The following PRRC2C variants were observed in gnomAD, a reference collection of about 807,000 sequenced individuals.
PRRC2C encodes the protein proline rich coiled-coil 2C, also known as protein PRRC2C.
In PRRC2C, 72 loss-of-function variants were observed where a neutral mutation model predicts 317.2. The ratio of observed to expected loss-of-function variants is 0.23; its 90% CI spans 0.19 to 0.28. The LOEUF (loss-of-function observed/expected upper bound fraction) is 0.28. Ranked by LOEUF, PRRC2C falls within the 10% of genes least tolerant of loss-of-function variation. PRRC2C has a pLI of 1.00. For missense variants in PRRC2C, 3,074 were observed against 3,459.7 expected, an observed-to-expected ratio of 0.89 and a Z score of 2.80; for synonymous variants, 1,296 against 1,205.9, an observed-to-expected ratio of 1.07 and a Z score of -1.55.
At chr1:171,538,743 G>A (rs1254391512) in intron 15 of PRRC2C, among the ~76,000 whole-genome samples, 2 of 151,900 alleles carry the variant, frequency 1.3e-5, no homozygotes, top group African/African-American at 4.8e-5. Context: ...GAAGGGTCTC[G>A]CTCTGTCAGC....
chr1:171,517,548 T>G (rs1308798761), intron 5 of PRRC2C, 43 bp from the exon 6 acceptor site: 2 of 1,569,158 alleles, frequency 1.3e-6, no homozygotes, highest in Admixed American at 1.8e-5. Flanking sequence ...TGTTCCATTT[T>G]CAGATTTTTA....
At position 171,559,505 on chromosome 1, in the gene PRRC2C, G is replaced by GTTTTTTTTTTTT. The variant is rs1236663155; in HGVS notation, c.6031+1365_6031+1366insTTTTTTTTTTTT. ...ATCTGTTTACAAAATGGCATACCAA[G>GTTTTTTTTTTTT]TTTGTTTTTTTTTTTTTTTTTTTTT... On this transcript the variant is annotated intron_variant, in intron 19 of 34. Transcript: ENST00000647382. Among the ~76,000 whole-genome samples the GTTTTTTTTTTTT allele has an allele frequency of 4.4e-4, 42 of 95,124 alleles. 20 individuals carry two copies. Among genetic ancestry groups the GTTTTTTTTTTTT allele is most frequent in the Admixed American group, 1.2e-3 (8 of 6,862 alleles). The allele number at this position is 95,124 out of a possible 152,430, so 62.4% of individuals were successfully genotyped here.
intron 1 of PRRC2C, among the ~76,000 whole-genome samples, chr1:171,489,918 GA>G (rs746303951): frequency 4.2e-4 from 64 of 151,870 alleles, no homozygotes; most frequent in Non-Finnish European, 7.7e-4. Flanking sequence ...GAATTTAAAC[GA>G]ATTTTTTTTT....
In PRRC2C at chr1:171,537,417, T is replaced by TG; in HGVS notation, c.2449dup (p.Ala817GlyfsTer2). Reference sequence around the variant, plus strand: ...TGTGGGGGTCAGATCCCTATCCTCATGCTGAGCCTCAACAAGCAACTACTC... The same window carrying TG: ...TGTGGGGGTCAGATCCCTATCCTCATGGCTGAGCCTCAACAAGCAACTACTC... On this transcript the variant is annotated frameshift_variant, in exon 15 of 35. Coordinates refer to ENST00000647382, the MANE Select transcript of PRRC2C (RefSeq NM_001387844.1). LOFTEE classifies it high-confidence loss of function. 1 of 1,588,692 alleles carries TG rather than the reference T, an allele frequency of 6.3e-7. No homozygotes were observed. The highest frequency in any genetic ancestry group is 8.6e-7 in the Non-Finnish European group (1 of 1,166,574).
chr1:171,502,702 C>G (rs1669352142), intron 1 of PRRC2C, among the ~76,000 whole-genome samples: 2 of 152,152 alleles, frequency 1.3e-5, no homozygotes, highest in African/African-American at 2.4e-5. Flanking sequence ...AACATACCAA[C>G]TACTCTAGTA....
At position 171,549,956 on chromosome 1, in the gene PRRC2C, C is replaced by T. The variant is rs1019633288; in HGVS notation, c.4973-130C>T. ...GCAATAGGGTGAGAAATAGGTTATACACTATAAGTTATAGGAACTAGGCCT... is the reference window on the plus strand; with the variant it reads ...GCAATAGGGTGAGAAATAGGTTATATACTATAAGTTATAGGAACTAGGCCT... On this transcript the variant is annotated intron_variant, in intron 17 of 34. Transcript: ENST00000647382. The T allele has an allele frequency of 5.1e-5, 31 of 603,462 alleles. No individual in the cohort carries two copies. The East Asian group carries it at 7.5e-4, about 15-fold the overall frequency. The allele number at this position is 603,462 out of a possible 1,614,324, so 37.4% of individuals were successfully genotyped here. A position where few individuals can be genotyped will look rare whatever the true frequency, so the allele number is the denominator to read the frequency against.
At chr1:171,534,712 CACCAT>C (rs1205087841) in intron 12 of PRRC2C, among the ~76,000 whole-genome samples, 2 of 152,092 alleles carry the variant, frequency 1.3e-5, no homozygotes, top group African/African-American at 4.8e-5. Context: ...AGTCATGCAC[CACCAT>C]GACCTGCTCA....
intron 18 of PRRC2C, among the ~76,000 whole-genome samples, chr1:171,554,460 C>T (rs1478030684): frequency 6.6e-6 from 1 of 152,116 alleles, no homozygotes; most frequent in Non-Finnish European, 1.5e-5. Flanking sequence ...GCATTTAGCC[C>T]ATTTACATTT....
At chr1:171,494,809 C>T (rs1225426475) in intron 1 of PRRC2C, among the ~76,000 whole-genome samples, 5 of 150,592 alleles carry the variant, frequency 3.3e-5, no homozygotes, top group Non-Finnish European at 7.4e-5. Context: ...ACAGATTTCT[C>T]TTTGTAAGAG....
chr1:171,542,409 G>A (rs1678107389), intron 16 of PRRC2C, among the ~76,000 whole-genome samples, 180 bp downstream of exon 16: 1 of 152,218 alleles, frequency 6.6e-6, no homozygotes, highest in Admixed American at 6.5e-5. Flanking sequence ...AGGTTAAGGT[G>A]TCTTAGGAGT....
In PRRC2C at chr1:171,552,926, A is replaced by G. The variant is rs142956579; in HGVS notation, c.5127+2686A>G. On this transcript the variant is annotated intron_variant, in intron 18 of 34. Coordinates refer to ENST00000647382, the MANE Select transcript of PRRC2C (RefSeq NM_001387844.1). ...CAGGGATATTGGTCTAAAATTCTCT[A>G]TTTTCATTGTGTCTGCCAGGTTTTG... Among the ~76,000 whole-genome samples the G allele has an allele frequency of 9.8e-3, 1,489 of 151,748 alleles. 11 individuals carry two copies. Among genetic ancestry groups the G allele is most frequent in the Middle Eastern group, 0.031 (9 of 294 alleles).
intron 24 of PRRC2C, among the ~76,000 whole-genome samples, chr1:171,574,532 T>C (rs1195943178): frequency 2.0e-5 from 3 of 152,214 alleles, no homozygotes; most frequent in Admixed American, 6.5e-5. Context: ...ACCTATCTTG[T>C]TACCTTGCCT....
At chr1:171,588,642 A>C (rs1223148639) in intron 33 of PRRC2C, 137 bp downstream of exon 33, 4 of 989,450 alleles carry the variant, frequency 4.0e-6, no homozygotes, top group Admixed American at 2.9e-5. Context: ...TTTAACAATA[A>C]ATTTATTTTA....
In PRRC2C at chr1:171,540,328, A is replaced by T. The variant is rs975531822; in HGVS notation, c.2862A>T (p.Arg954Ser). 8 of 1,613,498 alleles carry T rather than the reference A, an allele frequency of 5.0e-6. No homozygotes were observed. The African/African-American group carries it at 1.1e-4, about 22-fold the overall frequency. The change falls in exon 16 of 35, where the codon AGA (arginine) becomes AGT (serine). Residue 954 changes from arginine to serine, a missense_variant. Around this residue, in one of 11 missense-constraint regions of PRRC2C, gnomAD observed 1,320 missense variants for 1,395.7 expected, o/e 0.95. Coordinates refer to ENST00000647382, the MANE Select transcript of PRRC2C (RefSeq NM_001387844.1). Reference protein sequence around the residue: ...PSAGIPKVTSRCIDSKEPIER... With the variant: ...PSAGIPKVTSSCIDSKEPIER... ...CAGGCATTCCTAAAGTAACCAGCAG[A>T]TGCATTGATTCAAAAGAACCAATAG...
At chr1:171,571,271 C>T (rs374165301) in intron 23 of PRRC2C, 49 bp from the exon 24 acceptor site, 48 of 1,110,588 alleles carry the variant, frequency 4.3e-5, no homozygotes, top group East Asian at 3.4e-4. Flanking sequence ...ATGGGGCTTT[C>T]GTAGTAGACA....
chr1:171,542,036 C>G lies in PRRC2C; in HGVS notation c.4570C>G (p.Gln1524Glu). 6.2e-7 allele frequency: 1 copy of G among 1,613,714 alleles called. No individual in the cohort carries two copies. The highest frequency in any genetic ancestry group is 1.7e-5 in the Admixed American group (1 of 59,994). The change falls in exon 16 of 35, where the codon CAA (glutamine) becomes GAA (glutamate). Residue 1524 changes from glutamine (Q) to glutamate (E), a missense_variant. Transcript: ENST00000647382. ...AAAAAAAAATGCTGACTTGAATGCA[C>G]AAACAGTTGTAAAGGTTGGAGAGAA... The part of the protein sequence containing the change: ...DEKKNADLNA[Q>E]TVVKVGENVL...
intron 19 of PRRC2C, 52 bp downstream of exon 19, chr1:171,558,195 G>T (rs572884519): frequency 5.1e-5 from 77 of 1,515,390 alleles, no homozygotes; most frequent in Non-Finnish European, 6.6e-5. Context: ...GAATACTGAG[G>T]TTTCTTTTCA....
chr1:171,502,975 G>T (rs1669418883), intron 1 of PRRC2C, among the ~76,000 whole-genome samples: 1 of 152,084 alleles, frequency 6.6e-6, no homozygotes, highest in African/African-American at 2.4e-5. Context: ...CGCCTGCCTT[G>T]GCCTCCCAAA....
chr1:171,566,922 C>G, intron 22 of PRRC2C, 79 bp downstream of exon 22: 1 of 1,239,450 alleles, frequency 8.1e-7, no homozygotes, highest in Non-Finnish European at 1.1e-6. Context: ...CAACAGTCTG[C>G]TTTTTTTTTT....
Sources: gnomAD v4.1 joint callset for allele counts (sites outside exome capture counted in the v4.1 genomes callset) on GRCh38, gnomAD v4.1.1 for gene constraint, gnomAD v4.1.1 regional missense constraint, MANE v1.5 for transcripts, NCBI Gene and HGNC (gene_info 2026-07-23, HGNC 2026-07-21) for gene names.